Variants in RANBP2 observed in about 807,000 individuals in gnomAD.
The protein encoded by RANBP2 is E3 SUMO-protein ligase RanBP2.
Under a neutral mutation model 303.6 loss-of-function variants are expected in RANBP2, and 57 were observed. The observed-to-expected ratio is 0.19, with a 90% CI of 0.15 to 0.23. The LOEUF (loss-of-function observed/expected upper bound fraction) is 0.23, where lower values mean the gene tolerates loss of function less well. Ranked by LOEUF, RANBP2 falls within the 10% of genes least tolerant of loss-of-function variation. The pLI is 1.00. For synonymous variants in RANBP2, 1,167 were observed against 1,301.5 expected (o/e 0.90, Z 2.23); for missense variants, 3,138 against 3,780.8 (o/e 0.83, Z 4.46).
chr2:109,017,885 A>G, the RANBP2 span, among the ~76,000 whole-genome samples: 17 of 152,296 alleles, frequency 1.1e-4, no homozygotes, highest in Non-Finnish European at 1.5e-4. Context: ...GAGCACGGCA[A>G]TCCTCACTGT....
chr2:108,731,257 A>G (rs1422758305), intron 3 of RANBP2, 65 bp from the exon 4 acceptor site: 43 of 1,570,274 alleles, frequency 2.7e-5, no homozygotes, highest in African/African-American at 5.5e-5. Context: ...ATATATAAGT[A>G]TATATACTCC....
the RANBP2 span, among the ~76,000 whole-genome samples, chr2:109,054,432 C>T: frequency 6.6e-6 from 1 of 152,070 alleles, no homozygotes; most frequent in Admixed American, 6.5e-5. Context: ...GTTGGCTGGG[C>T]GCGGTGGCTC....
Position 108,726,191 on chromosome 2 carries a change from G to A in RANBP2, c.73-2941G>A, listed in dbSNP as rs553369266. Among the ~76,000 whole-genome samples the A allele has an allele frequency of 7.2e-5, 11 of 152,222 alleles. No homozygotes were observed. In the East Asian group the frequency reaches 1.7e-3, roughly 24 times the overall value. On this transcript the variant is annotated intron_variant, in intron 1 of 28. Transcript: ENST00000283195. ...TAAAAATCTCACGGCCTCCTGCTCC[G>A]TCCTACCTAGGACACAAGTCATCCC...
the RANBP2 span, among the ~76,000 whole-genome samples, chr2:109,427,960 C>T: frequency 6.6e-6 from 1 of 152,258 alleles, no homozygotes; most frequent in African/African-American, 2.4e-5. Context: ...CTCGCCCTGC[C>T]TGCAGCTCCT....
the RANBP2 span, among the ~76,000 whole-genome samples, chr2:109,217,905 C>T: frequency 7.9e-5 from 12 of 152,140 alleles, no homozygotes; most frequent in Middle Eastern, 3.2e-3. Context: ...GGAGCTGGCC[C>T]GGCTGTGGGT....
Position 108,768,052 on chromosome 2 carries a change from C to A in RANBP2, c.7513C>A (p.Pro2505Thr), listed in dbSNP as rs147542198. Residue 2505 changes from proline (P) to threonine (T), a missense_variant, in exon 20 of 29, where the codon CCA (proline) becomes ACA (threonine). Around this residue, in one of 20 missense-constraint regions of RANBP2, gnomAD observed 497 missense variants for 465.8 expected, o/e 1.07. Transcript: ENST00000283195. ...AGTGTCTAGCACATCTGAAACAACA[C>A]CAAAAGCAGTGGTTTCTCCTCCAAA... Reference protein sequence around the residue: ...VEVSSTSETTPKAVVSPPKFV... With the variant: ...VEVSSTSETTTKAVVSPPKFV... The A allele has an allele frequency of 5.5e-5, 89 of 1,611,624 alleles. No individual in the cohort carries two copies. Among genetic ancestry groups the A allele is most frequent in the Middle Eastern group, 2.3e-4 (1 of 4,428 alleles).
chr2:109,505,394 G>T, the RANBP2 span, among the ~76,000 whole-genome samples: 1 of 152,228 alleles, frequency 6.6e-6, no homozygotes, highest in Non-Finnish European at 1.5e-5. Context: ...AAGTGACCTT[G>T]CCAGGCAGTG....
At chr2:109,212,809 T>G in the RANBP2 span, among the ~76,000 whole-genome samples, 1 of 150,976 alleles carries the variant, frequency 6.6e-6, no homozygotes, top group Non-Finnish European at 1.5e-5. Context: ...GCTGGAGGAG[T>G]TAGACCTCCT....
At chr2:109,499,346 G>T in the RANBP2 span, among the ~76,000 whole-genome samples, 1 of 152,220 alleles carries the variant, frequency 6.6e-6, no homozygotes, top group Admixed American at 6.5e-5. Flanking sequence ...TCAGCCAGGG[G>T]TTTTTAGGCA....
the RANBP2 span, among the ~76,000 whole-genome samples, chr2:109,246,860 C>T: frequency 2.0e-5 from 3 of 152,220 alleles, no homozygotes; most frequent in African/African-American, 7.2e-5. Context: ...CTGGGGGTGT[C>T]TTCCTTCCAT....
At chr2:108,890,163 T>C in the RANBP2 span, among the ~76,000 whole-genome samples, 3 of 151,162 alleles carry the variant, frequency 2.0e-5, no homozygotes, top group Non-Finnish European at 4.4e-5. Context: ...ACTTTGAGTA[T>C]ATCATACCAT....
At chr2:108,907,662 C>A in the RANBP2 span, among the ~76,000 whole-genome samples, 44 of 146,490 alleles carry the variant, frequency 3.0e-4, no homozygotes, top group Admixed American at 2.8e-3. Context: ...AAAAAAAAAA[C>A]AAAACTCAAA....
the RANBP2 span, among the ~76,000 whole-genome samples, chr2:109,629,628 T>C: frequency 8.1e-3 from 1,233 of 151,692 alleles, 15 homozygotes; most frequent in African/African-American, 0.028. Context: ...CTGGCTAATA[T>C]GGTGAAACCC....
the RANBP2 span, among the ~76,000 whole-genome samples, chr2:109,568,923 T>C: frequency 2.6e-5 from 4 of 152,212 alleles, no homozygotes; most frequent in Admixed American, 6.5e-5. Flanking sequence ...TGAAGTCCTA[T>C]CACTGACAGA....
chr2:109,613,920 G>T, the RANBP2 span: 1 of 1,220,252 alleles, frequency 8.2e-7, no homozygotes, highest in Non-Finnish European at 1.0e-6. Context: ...GAGGGCAGAA[G>T]CAACGGGCGG....
the RANBP2 span, among the ~76,000 whole-genome samples, chr2:108,814,962 A>G: frequency 6.6e-6 from 1 of 152,150 alleles, no homozygotes; most frequent in South Asian, 2.1e-4. Flanking sequence ...AATAAATTTA[A>G]CATAGTTCCC....
chr2:109,280,833 G>C, the RANBP2 span, among the ~76,000 whole-genome samples: 1 of 152,300 alleles, frequency 6.6e-6, no homozygotes, highest in Non-Finnish European at 1.5e-5. Flanking sequence ...ACAGTGGTCG[G>C]CTGTTTTATG....
At chr2:109,397,928 T>A in the RANBP2 span, among the ~76,000 whole-genome samples, 9 of 152,174 alleles carry the variant, frequency 5.9e-5, no homozygotes, top group Admixed American at 2.6e-4. Context: ...ATGGGAGATG[T>A]GGGAAGGAGT....
chr2:109,250,971 A>G, the RANBP2 span, among the ~76,000 whole-genome samples: 1 of 151,880 alleles, frequency 6.6e-6, no homozygotes, highest in Non-Finnish European at 1.5e-5. Flanking sequence ...TGCATTCTGT[A>G]TAGCTTTTTT....
Sources: allele counts gnomAD v4.1 joint callset (sites outside exome capture counted in the v4.1 genomes callset), GRCh38; gene constraint gnomAD v4.1.1; regional missense constraint gnomAD v4.1.1; transcripts MANE v1.5; gene names NCBI Gene and HGNC (gene_info 2026-07-23, HGNC 2026-07-21).